IFT57: variants seen among roughly 807,000 people sequenced by gnomAD.
IFT57 encodes intraflagellar transport 57.
A neutral mutation model predicts 56.8 loss-of-function variants in IFT57; 59 were observed. The observed-to-expected ratio is 1.04, with a 90% CI of 0.84 to 1.29. The LOEUF is 1.29. IFT57 is among the 50% of genes most tolerant of loss of function. The pLI is 0.00. For missense variants in IFT57, 470 were observed against 522.1 expected (o/e 0.90, Z 0.97); for synonymous variants, 209 against 186.1 (o/e 1.12, Z -1.00).
chr3:108,182,007 C>T (rs1054880675), intron 6 of IFT57, among the ~76,000 whole-genome samples: 17 of 151,948 alleles, frequency 1.1e-4, no homozygotes, highest in African/African-American at 3.1e-4. Flanking sequence ...ATACATAAAA[C>T]GTATTCCCAT....
chr3:108,212,496 T>C (rs934864265), intron 4 of IFT57, among the ~76,000 whole-genome samples: 1 of 152,162 alleles, frequency 6.6e-6, no homozygotes, highest in Non-Finnish European at 1.5e-5. Flanking sequence ...CTTACCATGA[T>C]TGTAAGCTTC....
At chr3:108,179,081 G>GA (rs2080138975) in intron 6 of IFT57, among the ~76,000 whole-genome samples, 1 of 151,928 alleles carries the variant, frequency 6.6e-6, no homozygotes. Flanking sequence ...ATCCGCCACT[G>GA]AAAGAGTGGA....
At chr3:108,168,605 C>A (rs1444001546) in intron 6 of IFT57, among the ~76,000 whole-genome samples, 1 of 151,884 alleles carries the variant, frequency 6.6e-6, no homozygotes, top group South Asian at 2.1e-4. Context: ...GTTTTAAGCC[C>A]TGCATGCATT....
At chr3:108,163,082 C>G (rs2080042446) in intron 10 of IFT57, among the ~76,000 whole-genome samples, 1 of 151,990 alleles carries the variant, frequency 6.6e-6, no homozygotes, top group South Asian at 2.1e-4. Context: ...TTTGCAAGAT[C>G]ATTCAGTATA....
Position 108,161,985 on chromosome 3 carries a change from C to T in IFT57, c.*492G>A, listed in dbSNP as rs1237212539. On this transcript the variant is annotated 3_prime_UTR_variant, in exon 11 of 11. Coordinates refer to ENST00000264538, the MANE Select transcript of IFT57 (RefSeq NM_018010.4). Reference sequence around the variant, plus strand: ...TGAGGATACTGAAGTTTTTTTTAACCTAAAAAAAGTGGCAATTTTAGGTAA... The same window carrying T: ...TGAGGATACTGAAGTTTTTTTTAACTTAAAAAAAGTGGCAATTTTAGGTAA... 6.6e-6 allele frequency: 1 copy of T among 151,834 alleles called. No individual in the cohort carries two copies. The highest frequency in any genetic ancestry group is 1.5e-5 in the Non-Finnish European group (1 of 67,964). 9.4% of individuals were successfully genotyped at this position (151,834 alleles called of 1,614,324 possible).
intron 5 of IFT57, among the ~76,000 whole-genome samples, chr3:108,197,482 T>A (rs2108320033): frequency 6.6e-6 from 1 of 152,274 alleles, no homozygotes; most frequent in East Asian, 1.9e-4. Context: ...GGGCACACCA[T>A]CGAAGTCAGT....
intron 6 of IFT57, among the ~76,000 whole-genome samples, chr3:108,173,798 G>A (rs1051477931): frequency 6.8e-6 from 1 of 147,344 alleles, no homozygotes; most frequent in East Asian, 2.1e-4. Context: ...GTGTGTGTGT[G>A]TGTGTGTGTG....
intron 5 of IFT57, among the ~76,000 whole-genome samples, chr3:108,195,889 A>G (rs2080241529): frequency 6.6e-6 from 1 of 152,118 alleles, no homozygotes; most frequent in African/African-American, 2.4e-5. Context: ...TTAAAACTGC[A>G]TTAGTTATAT....
At chr3:108,202,519 C>T (rs1289536244) in intron 5 of IFT57, among the ~76,000 whole-genome samples, 3 of 152,174 alleles carry the variant, frequency 2.0e-5, no homozygotes, top group African/African-American at 7.2e-5. Context: ...CTTAGGGTAG[C>T]TTTGGCTAAA....
At chr3:108,213,089 C>T (rs1477891358) in intron 4 of IFT57, among the ~76,000 whole-genome samples, 1 of 152,086 alleles carries the variant, frequency 6.6e-6, no homozygotes, top group East Asian at 1.9e-4. Flanking sequence ...TTTCTTTTCT[C>T]TAGCTTACTT....
At chr3:108,212,274 A>G (rs1482710988) in intron 4 of IFT57, among the ~76,000 whole-genome samples, 1 of 151,778 alleles carries the variant, frequency 6.6e-6, no homozygotes, top group African/African-American at 2.4e-5. Context: ...ATGAGGACTC[A>G]CTCTATTGCC....
chr3:108,187,764 T>G (rs544216570), intron 6 of IFT57, among the ~76,000 whole-genome samples: 1 of 152,194 alleles, frequency 6.6e-6, no homozygotes, highest in South Asian at 2.1e-4. Context: ...GTCTCTCTCA[T>G]CTCTAAACCA....
intron 5 of IFT57, among the ~76,000 whole-genome samples, chr3:108,204,625 C>T (rs969112723): frequency 2.0e-5 from 3 of 152,182 alleles, no homozygotes; most frequent in Non-Finnish European, 2.9e-5. Flanking sequence ...TTTCTTCTCA[C>T]ATTTGAGGAG....
intron 6 of IFT57, among the ~76,000 whole-genome samples, chr3:108,190,158 G>A (rs1425900141): frequency 6.6e-6 from 1 of 152,168 alleles, no homozygotes; most frequent in African/African-American, 2.4e-5. Flanking sequence ...TAGGTGGAAG[G>A]GACTTGCCTT....
chr3:108,171,064 A>G (rs2080089561), intron 6 of IFT57, among the ~76,000 whole-genome samples: 1 of 151,916 alleles, frequency 6.6e-6, no homozygotes, highest in Non-Finnish European at 1.5e-5. Flanking sequence ...TGCTAACTAC[A>G]CTATTTTGTG....
intron 5 of IFT57, among the ~76,000 whole-genome samples, chr3:108,200,635 TA>T (rs947082464): frequency 6.6e-6 from 1 of 152,120 alleles, no homozygotes; most frequent in Non-Finnish European, 1.5e-5. Flanking sequence ...AAATAATACC[TA>T]AAAAAATCAT....
At chr3:108,182,379 A>G (rs1311313444) in intron 6 of IFT57, among the ~76,000 whole-genome samples, 1 of 152,028 alleles carries the variant, frequency 6.6e-6, no homozygotes, top group Non-Finnish European at 1.5e-5. Context: ...CTAATATAGC[A>G]ATTCTGTGGT....
intron 6 of IFT57, among the ~76,000 whole-genome samples, chr3:108,171,618 G>A (rs1481220095): frequency 2.0e-5 from 3 of 151,646 alleles, no homozygotes; most frequent in Admixed American, 6.6e-5. Context: ...AGTTGACAAC[G>A]GAACAAGGCC....
rs375548058 is a variant in IFT57 at position 108,210,781 on chromosome 3, AAAG to A, written c.585+3147_585+3149del. Among the ~76,000 whole-genome samples, 168 of 152,308 alleles carry A rather than the reference AAAG, an allele frequency of 1.1e-3. 1 individual carries two copies. The highest frequency in any genetic ancestry group is 4.0e-3 in the African/African-American group (166 of 41,564). The stretch of plus-strand genomic sequence containing the variant: ...CTCCTTAGAATAATATGATGACAAT[AAAG>A]AAGAAAAGAAATTCAAGAGACTTGA... On this transcript the variant is annotated intron_variant, in intron 4 of 10. Coordinates refer to ENST00000264538, the MANE Select transcript of IFT57 (RefSeq NM_018010.4).
Sources: gnomAD v4.1 joint callset for allele counts (sites outside exome capture counted in the v4.1 genomes callset) on GRCh38, gnomAD v4.1.1 for gene constraint, MANE v1.5 for transcripts, NCBI Gene and HGNC (gene_info 2026-07-23, HGNC 2026-07-21) for gene names.